Variants in ZNF398 observed in about 807,000 individuals in gnomAD.
ZNF398 encodes zinc finger DNA binding protein ZER6.
ZNF398 carries 18 observed loss-of-function variants against 41.9 expected under a neutral mutation model. The observed-to-expected ratio is 0.43, with a 90% CI of 0.30 to 0.64. The LOEUF (loss-of-function observed/expected upper bound fraction) is 0.64. Ranked by LOEUF, ZNF398 falls within the 30% of genes least tolerant of loss-of-function variation. ZNF398 has a pLI of 0.14. For synonymous variants in ZNF398, 260 were observed against 308.8 expected (o/e 0.84, Z 1.66); for missense variants, 669 against 822.8 (o/e 0.81, Z 2.29).
At chr7:149,140,338 C>G (rs1245328896) in intron 2 of ZNF398, among the ~76,000 whole-genome samples, 2 of 151,924 alleles carry the variant, frequency 1.3e-5, no homozygotes, top group Non-Finnish European at 2.9e-5. Context: ...CATAATAATT[C>G]TAGTTACTAT....
rs754670718 is a variant in ZNF398, at chr7:149,179,160, C to T, written c.1288C>T (p.Pro430Ser). ...HNSTERPFPCPDCPKRFADQA... is the reference protein window; with the variant it reads ...HNSTERPFPCSDCPKRFADQA... ...CAGCACTGAGCGTCCTTTCCCCTGT[C>T]CTGATTGCCCCAAGCGCTTTGCTGA... Residue 430 changes from proline (P) to serine (S), a missense_variant, in exon 6 of 6, where the codon CCT becomes TCT. Coordinates refer to ENST00000475153, the MANE Select transcript of ZNF398 (RefSeq NM_170686.3). This position sits in a 1 kb window ranked among gnomAD's most constrained non-coding sequence, Gnocchi z 6.1. 3 of 1,613,924 alleles carry T rather than the reference C, an allele frequency of 1.9e-6. No individual in the cohort carries two copies. The highest frequency in any genetic ancestry group is 2.2e-5 in the East Asian group (1 of 44,874).
chr7:149,173,093 A>ATT (rs71192762), intron 4 of ZNF398, among the ~76,000 whole-genome samples: 30 of 64,968 alleles, frequency 4.6e-4, no homozygotes, highest in Admixed American at 7.0e-4. Context: ...GGCAATTTCT[A>ATT]TTTTTTTTTT....
chr7:149,127,104 CGAAGACGCAAAAACGGGAGAGGTGG>C (rs1244172464), intron 1 of ZNF398, among the ~76,000 whole-genome samples: 5 of 152,124 alleles, frequency 3.3e-5, no homozygotes, highest in African/African-American at 9.6e-5. Context: ...GTGAGAAACA[CGAAGACGCAAAAACGGGAGAGGTGG>C]GAAGACGCAG....
intron 1 of ZNF398, among the ~76,000 whole-genome samples, chr7:149,152,551 G>T (rs1280102966): frequency 4.7e-5 from 7 of 149,236 alleles, no homozygotes; most frequent in African/African-American, 1.7e-4. Context: ...GAGCCACCGC[G>T]CCTGGCCTAG....
At chr7:149,132,593 C>T (rs111764417) in intron 2 of ZNF398, among the ~76,000 whole-genome samples, 119 of 152,152 alleles carry the variant, frequency 7.8e-4, no homozygotes, top group African/African-American at 2.5e-3. Flanking sequence ...CTTGAGGAGG[C>T]GGTGTCTGAT....
At chr7:149,133,654 A>AATATATATATATATATATATATATAT (rs146151029) in intron 2 of ZNF398, among the ~76,000 whole-genome samples, 9 of 71,840 alleles carry the variant, frequency 1.3e-4, no homozygotes, top group Non-Finnish European at 1.7e-4. Context: ...GTGTTTTTTA[A>AATATATATATATATATATATATATAT]ATATATATAT....
chr7:149,171,785 G>T (rs928692258), intron 4 of ZNF398, among the ~76,000 whole-genome samples: 2 of 152,174 alleles, frequency 1.3e-5, no homozygotes, highest in African/African-American at 4.8e-5. Flanking sequence ...TGATTCTCCT[G>T]CCTCAGCCTC....
chr7:149,129,419 G>T (rs1826554611), intron 2 of ZNF398, among the ~76,000 whole-genome samples: 1 of 151,932 alleles, frequency 6.6e-6, no homozygotes, highest in South Asian at 2.1e-4. Flanking sequence ...TTGCTCTGTT[G>T]CCCAGGCTAG....
chr7:149,133,678 T>TATATATATATATATATATATACAC (rs1483673161), intron 2 of ZNF398, among the ~76,000 whole-genome samples: 101 of 66,984 alleles, frequency 1.5e-3, no homozygotes, highest in African/African-American at 5.8e-3. Flanking sequence ...TATATATATA[T>TATATATATATATATATATATACAC]ACATATATAT....
intron 1 of ZNF398, among the ~76,000 whole-genome samples, chr7:149,128,520 T>C (rs952886896): frequency 2.0e-5 from 3 of 151,856 alleles, no homozygotes. Context: ...GCTGAGGCAG[T>C]AGGATTGCCT....
At position 149,147,780 on chromosome 7, in the gene ZNF398, C is replaced by A. The variant is rs558585323; in HGVS notation, c.24+14C>A. 1.2e-4 allele frequency: 169 copies of A among 1,394,998 alleles called. No homozygotes were observed. The African/African-American group carries it at 2.3e-3, about 19-fold the overall frequency. 86.4% of individuals were successfully genotyped at this position (1,394,998 alleles called of 1,614,324 possible). A position where few individuals can be genotyped will look rare whatever the true frequency, so the allele number is the denominator to read the frequency against. On this transcript the variant is annotated intron_variant, in intron 1 of 5. Transcript: ENST00000475153. The surrounding 1 kb of genome is among the most constrained non-coding windows in gnomAD (Gnocchi z 5.6). ...GCCCCGGCCCCGGTAAGGGCGGCCG[C>A]GCGCGAGTGTTGTGAGCCCCCGAGA...
At position 149,176,577 on chromosome 7, in the gene ZNF398, T is replaced by C. The variant is rs1439559811; in HGVS notation, c.771T>C (p.Tyr257=). The C allele has an allele frequency of 4.4e-6, 7 of 1,596,532 alleles. No homozygotes were observed. In the Admixed American group the frequency reaches 7.1e-5, roughly 16 times the overall value. The change falls in exon 5 of 6, where the codon TAT becomes TAC. Residue 257 remains tyrosine, a synonymous_variant. Coordinates refer to ENST00000475153, the MANE Select transcript of ZNF398 (RefSeq NM_170686.3). ...SKESDVYKST[Y]ADEELVIKAE... ...AGAGTGACGTGTACAAAAGCACTTA[T>C]GCTGGTGAGTATGAAATTAAAGAGG...
chr7:149,165,960 T>A (rs1795218996), intron 2 of ZNF398, among the ~76,000 whole-genome samples, 198 bp from the exon 3 acceptor site: 1 of 152,226 alleles, frequency 6.6e-6, no homozygotes, highest in South Asian at 2.1e-4. Flanking sequence ...GGACTCGTGC[T>A]GTATTGCATG....
At chr7:149,158,829 G>A (rs1300778505) in intron 2 of ZNF398, among the ~76,000 whole-genome samples, 4 of 87,632 alleles carry the variant, frequency 4.6e-5, no homozygotes, top group African/African-American at 9.6e-5. Flanking sequence ...GCGAAACACC[G>A]TTTCAAAAAA....
chr7:149,171,749 T>G (rs1795346979), intron 4 of ZNF398, among the ~76,000 whole-genome samples: 1 of 152,154 alleles, frequency 6.6e-6, no homozygotes, highest in Admixed American at 6.6e-5. Context: ...CTTGGCTCAC[T>G]GCAACCTCCG....
upstream of ZNF398, among the ~76,000 whole-genome samples, chr7:149,146,276 G>A (rs1430889536): frequency 6.6e-6 from 1 of 151,990 alleles, no homozygotes; most frequent in East Asian, 1.9e-4. Flanking sequence ...GCAGCAAACC[G>A]TAACCCCAAG....
At chr7:149,169,013 T>C (rs1236963223) in intron 4 of ZNF398, among the ~76,000 whole-genome samples, 1 of 152,168 alleles carries the variant, frequency 6.6e-6, no homozygotes, top group Non-Finnish European at 1.5e-5. Flanking sequence ...TTGGGTATAT[T>C]TCTTTGGTCT....
rs566335710 is a variant in ZNF398, at chr7:149,160,977, C to T, written c.421-5181C>T. Among the ~76,000 whole-genome samples, 26 of 152,208 alleles carry T rather than the reference C, an allele frequency of 1.7e-4. No individual in the cohort carries two copies. In the East Asian group the frequency reaches 4.8e-3, roughly 28 times the overall value. ...GAGGTGGTGTCTCTGCTCTGCACCC[C>T]AAGGAGGCCTGTCAGGAGGAGGTGG... On this transcript the variant is annotated intron_variant, in intron 2 of 5. Transcript: ENST00000475153.
intron 1 of ZNF398, among the ~76,000 whole-genome samples, chr7:149,149,352 G>A (rs1827052774): frequency 6.6e-6 from 1 of 151,992 alleles, no homozygotes; most frequent in African/African-American, 2.4e-5. Flanking sequence ...TCCTGCCTCA[G>A]CCTCCCGAGT....
Sources: gnomAD v4.1 joint callset for allele counts (sites outside exome capture counted in the v4.1 genomes callset) on GRCh38, gnomAD v4.1.1 for gene constraint, Gnocchi (gnomAD v3.1) non-coding constraint, MANE v1.5 for transcripts, NCBI Gene and HGNC (gene_info 2026-07-23, HGNC 2026-07-21) for gene names.